TASP1: variants seen among roughly 807,000 people sequenced by gnomAD.
The protein encoded by TASP1 is taspase 1.
Under a neutral mutation model 56.6 loss-of-function variants are expected in TASP1, and 16 were observed. The observed-to-expected ratio is 0.28, with a 90% CI of 0.19 to 0.43. The LOEUF (loss-of-function observed/expected upper bound fraction) is 0.43. TASP1 is among the 20% of genes least tolerant of loss of function. TASP1 has a pLI of 1.00. For missense variants in TASP1, 393 were observed against 511.6 expected, an observed-to-expected ratio of 0.77 and a Z score of 2.24; for synonymous variants, 179 against 184.2, an observed-to-expected ratio of 0.97 and a Z score of 0.23.
chr20:13,389,079 C>T (rs2041188966), downstream of TASP1, among the ~76,000 whole-genome samples: 1 of 152,152 alleles, frequency 6.6e-6, no homozygotes, highest in Non-Finnish European at 1.5e-5. Context: ...TCTTATGTGG[C>T]TCCAGAATCC....
chr20:13,556,440 A>G (rs1316555046), intron 8 of TASP1, among the ~76,000 whole-genome samples: 1 of 152,236 alleles, frequency 6.6e-6, no homozygotes. Flanking sequence ...CAAAATGTGA[A>G]TAAGAAAGCA....
the TASP1 span, among the ~76,000 whole-genome samples, chr20:13,361,063 C>A: frequency 6.6e-6 from 1 of 152,056 alleles, no homozygotes; most frequent in Admixed American, 6.5e-5. Context: ...AAGGAAATAA[C>A]TTCTCAGTGT....
intron 13 of TASP1, among the ~76,000 whole-genome samples, chr20:13,407,108 T>C (rs945950496): frequency 6.6e-6 from 1 of 152,236 alleles, no homozygotes; most frequent in African/African-American, 2.4e-5. Context: ...ATAATTCATA[T>C]ATCAGAAAAT....
At chr20:13,364,289 T>TGCAAAA in the TASP1 span, among the ~76,000 whole-genome samples, 1 of 152,128 alleles carries the variant, frequency 6.6e-6, no homozygotes, top group East Asian at 1.9e-4. Context: ...TATAAAATGT[T>TGCAAAA]TGATGATGAG....
rs928957940 is a variant in TASP1 at position 13,488,343 on chromosome 20, T to A, written c.875-5006A>T. 3.9e-5 allele frequency among the ~76,000 whole-genome samples: 6 copies of A among 152,128 alleles called. No homozygotes were observed. In the East Asian group the frequency reaches 7.7e-4, roughly 20 times the overall value. On this transcript the variant is annotated intron_variant, in intron 10 of 13. Transcript: ENST00000337743. The stretch of plus-strand genomic sequence containing the variant: ...ATTCACCTACAAAAAAATTCAAAAA[T>A]TTTTAAATTAAACTGATAACTAAAT...
At chr20:13,341,325 T>A in the TASP1 span, among the ~76,000 whole-genome samples, 1 of 152,262 alleles carries the variant, frequency 6.6e-6, no homozygotes, top group Non-Finnish European at 1.5e-5. Flanking sequence ...ATGTGGTTTT[T>A]AAATATATGA....
At chr20:13,154,256 C>T in the TASP1 span, 3 of 1,323,692 alleles carry the variant, frequency 2.3e-6, no homozygotes, top group African/African-American at 1.5e-5. Context: ...AGAATTCACT[C>T]GTACGGCTTC....
chr20:13,442,568 G>A (rs1371826151), intron 11 of TASP1, among the ~76,000 whole-genome samples: 9 of 151,934 alleles, frequency 5.9e-5, no homozygotes, highest in South Asian at 2.1e-4. Flanking sequence ...CTTGAACCCC[G>A]GAGGTGGAGG....
In TASP1 at chr20:13,603,414, C is replaced by T. The variant is rs918210954; in HGVS notation, c.283-16044G>A. On this transcript the variant is annotated intron_variant, in intron 4 of 13. Transcript: ENST00000337743. ...AAAATTTGCCAAGCATGGTGGTACA[C>T]GCATGTAGTCCCAGCTACCCTGGAG... is the stretch of plus-strand genomic sequence containing the variant. 4.6e-5 allele frequency among the ~76,000 whole-genome samples: 7 copies of T among 151,824 alleles called. No individual in the cohort carries two copies. The East Asian group carries it at 5.8e-4, about 13-fold the overall frequency.
In TASP1 at chr20:13,528,497, T is replaced by A. The variant is rs999631677; in HGVS notation, c.810A>T (p.Gly270=). ...CAGTATTTTCAGCCCAGCAGCCACA[T>A]CCATAAAGAGCAGCCTGGGGAAAAA... is the stretch of plus-strand genomic sequence containing the variant. ...PGRVGQAALY[G]CGCWAENTGA... Residue 270 remains glycine (G), a synonymous_variant, in exon 10 of 14, where the codon GGA becomes GGT. Coordinates refer to ENST00000337743, the MANE Select transcript of TASP1 (RefSeq NM_017714.3). 2 of 1,609,386 alleles carry A rather than the reference T, an allele frequency of 1.2e-6. No homozygotes were observed. The highest frequency in any genetic ancestry group is 1.7e-6 in the Non-Finnish European group (2 of 1,177,514).
At chr20:13,459,147 A>G (rs1165642977) in intron 11 of TASP1, among the ~76,000 whole-genome samples, 2 of 152,052 alleles carry the variant, frequency 1.3e-5, no homozygotes. Flanking sequence ...CATGGAGACT[A>G]TCCTTCCAAC....
intron 10 of TASP1, among the ~76,000 whole-genome samples, chr20:13,494,993 C>T (rs2043670077): frequency 6.6e-6 from 1 of 151,388 alleles, no homozygotes; most frequent in African/African-American, 2.4e-5. Context: ...TAAACATCTA[C>T]AAATATGCAG....
chr20:13,164,187 C>T, the TASP1 span, among the ~76,000 whole-genome samples: 14 of 152,162 alleles, frequency 9.2e-5, no homozygotes, highest in South Asian at 2.5e-3. Context: ...CATGTACCCA[C>T]CTAAAGTAAG....
chr20:13,582,763 T>C (rs147191586), intron 5 of TASP1, among the ~76,000 whole-genome samples: 1 of 152,224 alleles, frequency 6.6e-6, no homozygotes, highest in African/African-American at 2.4e-5. Context: ...CAGACTACTT[T>C]GTAACTGTTC....
the TASP1 span, among the ~76,000 whole-genome samples, chr20:13,217,082 T>C: frequency 6.6e-6 from 1 of 152,214 alleles, no homozygotes; most frequent in Non-Finnish European, 1.5e-5. Flanking sequence ...CTGTGACTTC[T>C]CAAATCTGTT....
At chr20:13,224,375 A>G in the TASP1 span, among the ~76,000 whole-genome samples, 1 of 152,210 alleles carries the variant, frequency 6.6e-6, no homozygotes, top group Non-Finnish European at 1.5e-5. Flanking sequence ...AAAGACATTT[A>G]TTAGTCCATC....
the TASP1 span, among the ~76,000 whole-genome samples, chr20:13,174,473 A>G: frequency 6.6e-6 from 1 of 152,110 alleles, no homozygotes; most frequent in African/African-American, 2.4e-5. Context: ...TGAGGTGGAT[A>G]GATCGCTTGA....
the TASP1 span, among the ~76,000 whole-genome samples, chr20:13,375,355 T>C: frequency 6.6e-6 from 1 of 152,166 alleles, no homozygotes; most frequent in Non-Finnish European, 1.5e-5. Context: ...GTTCCTGTGT[T>C]AGCTTGCTGA....
the TASP1 span, among the ~76,000 whole-genome samples, chr20:13,126,022 G>A: frequency 5.3e-5 from 8 of 152,018 alleles, no homozygotes; most frequent in African/African-American, 1.2e-4. Flanking sequence ...CTCCCTCCAC[G>A]TTTTCTTTTC....
Sources: gnomAD v4.1 joint callset for allele counts (sites outside exome capture counted in the v4.1 genomes callset) on GRCh38, gnomAD v4.1.1 for gene constraint, MANE v1.5 for transcripts, NCBI Gene and HGNC (gene_info 2026-07-23, HGNC 2026-07-21) for gene names.